MTUS2: variants seen among roughly 807,000 people sequenced by gnomAD.
The protein encoded by MTUS2 is microtubule-associated tumor suppressor candidate 2.
Under a neutral mutation model 114.1 loss-of-function variants are expected in MTUS2, and 40 were observed. That is an observed-to-expected ratio of 0.35 (90% CI 0.27 to 0.46). The LOEUF is 0.46. MTUS2 is among the 20% of genes least tolerant of loss of function. The pLI is 1.00. For synonymous variants in MTUS2, 688 were observed against 672.0 expected, an observed-to-expected ratio of 1.02 and a Z score of -0.37; for missense variants, 1,679 against 1,705.4, an observed-to-expected ratio of 0.98 and a Z score of 0.27.
chr13:28,856,663 CA>C (rs1876648616), intron 2 of MTUS2, among the ~76,000 whole-genome samples: 1 of 152,194 alleles, frequency 6.6e-6, no homozygotes, highest in Non-Finnish European at 1.5e-5. Flanking sequence ...ATCTCTCTGA[CA>C]GATTTGTTTA....
Position 29,359,482 on chromosome 13 carries a change from C to T in MTUS2, c.3117+9C>T. 1 of 1,603,930 alleles carries T rather than the reference C, an allele frequency of 6.2e-7. No individual in the cohort carries two copies. The highest frequency in any genetic ancestry group is 1.3e-5 in the African/African-American group (1 of 74,822). Reference sequence around the variant, plus strand: ...AGCATTTCTTTAGAAAGGTGAGGCCCCATTTCGTGAAGGTCCAAGGGCATT... The same window carrying T: ...AGCATTTCTTTAGAAAGGTGAGGCCTCATTTCGTGAAGGTCCAAGGGCATT... On this transcript the variant is annotated intron_variant, in intron 8 of 15. Coordinates refer to ENST00000612955, the MANE Select transcript of MTUS2 (RefSeq NM_001033602.4).
intron 5 of MTUS2, among the ~76,000 whole-genome samples, chr13:29,163,088 G>A (rs892802116): frequency 2.6e-5 from 4 of 152,154 alleles, no homozygotes. Context: ...ACAGGGTGGA[G>A]AATAGGGTGG....
intron 10 of MTUS2, chr13:29,487,696 C>T (rs1205045321): frequency 6.7e-6 from 4 of 593,092 alleles, no homozygotes; most frequent in Non-Finnish European, 9.1e-6. Flanking sequence ...GTTGGACCCC[C>T]CTACAAAGAG....
At chr13:29,205,475 C>T (rs986585174) in intron 5 of MTUS2, among the ~76,000 whole-genome samples, 5 of 151,864 alleles carry the variant, frequency 3.3e-5, no homozygotes, top group Non-Finnish European at 5.9e-5. Context: ...TAAGTTCTTT[C>T]GTTGTGATTT....
chr13:29,010,196 G>A (rs1885775638), intron 2 of MTUS2, among the ~76,000 whole-genome samples: 1 of 137,882 alleles, frequency 7.3e-6, no homozygotes, highest in Non-Finnish European at 1.5e-5. Context: ...GGGCGACAGA[G>A]CAAGACTCCG....
chr13:28,893,617 T>C (rs1879059923), intron 2 of MTUS2, among the ~76,000 whole-genome samples: 1 of 152,204 alleles, frequency 6.6e-6, no homozygotes, highest in Non-Finnish European at 1.5e-5. Context: ...TCTGAAACTT[T>C]CTGAAATATA....
At chr13:29,302,856 G>A (rs1241187426) in intron 6 of MTUS2, among the ~76,000 whole-genome samples, 1 of 152,204 alleles carries the variant, frequency 6.6e-6, no homozygotes, top group East Asian at 1.9e-4. Flanking sequence ...GACTGGGTGA[G>A]ACCTCCCAAC....
chr13:29,008,702 G>A (rs932823154), intron 2 of MTUS2, among the ~76,000 whole-genome samples: 9 of 152,196 alleles, frequency 5.9e-5, no homozygotes, highest in Admixed American at 3.9e-4. Flanking sequence ...TCAGAAATCC[G>A]TTGCCAGTGT....
intron 8 of MTUS2, among the ~76,000 whole-genome samples, chr13:29,389,634 C>CAAAT (rs370261118): frequency 9.5e-6 from 1 of 105,512 alleles, no homozygotes; most frequent in Non-Finnish European, 1.9e-5. Context: ...TATGTATACA[C>CAAAT]ATATGTGTAT....
chr13:28,921,313 A>G (rs558657597), intron 2 of MTUS2, among the ~76,000 whole-genome samples: 1 of 152,326 alleles, frequency 6.6e-6, no homozygotes, highest in African/African-American at 2.4e-5. Context: ...CTTTTGGCCT[A>G]TTCTGTCTCT....
chr13:29,459,727 A>G (rs933782948), intron 9 of MTUS2, among the ~76,000 whole-genome samples: 4 of 152,278 alleles, frequency 2.6e-5, no homozygotes, highest in South Asian at 2.1e-4. Context: ...TCAAACCACT[A>G]TGATAAAGAG....
At position 29,265,916 on chromosome 13, in the gene MTUS2, T is replaced by C. The variant is rs184241872; in HGVS notation, c.2645-15788T>C. On this transcript the variant is annotated intron_variant, in intron 5 of 15. Coordinates refer to ENST00000612955, the MANE Select transcript of MTUS2 (RefSeq NM_001033602.4). ...GGCACACATCAAAACCAAATCAGCA[T>C]CCTGTGTGTTTCTCTCTTTTTCACT... 1.2e-4 allele frequency among the ~76,000 whole-genome samples: 18 copies of C among 152,272 alleles called. No individual in the cohort carries two copies. In the East Asian group the frequency reaches 2.5e-3, roughly 21 times the overall value.
intron 6 of MTUS2, chr13:29,307,788 C>T (rs1392708140): frequency 1.0e-6 from 1 of 988,828 alleles, no homozygotes; most frequent in Non-Finnish European, 1.6e-6. Context: ...AGGAGTAAGA[C>T]CCCCAGACCA....
chr13:29,045,055 T>C (rs1237288575), intron 4 of MTUS2, among the ~76,000 whole-genome samples: 1 of 152,204 alleles, frequency 6.6e-6, no homozygotes, highest in African/African-American at 2.4e-5. Context: ...GACATGCTCC[T>C]CTATGACCAG....
intron 5 of MTUS2, among the ~76,000 whole-genome samples, chr13:29,101,594 A>C (rs1346724081): frequency 6.6e-6 from 1 of 152,194 alleles, no homozygotes; most frequent in Non-Finnish European, 1.5e-5. Flanking sequence ...GCTGTCCCTG[A>C]GGAAGATCTG....
chr13:29,101,886 G>A (rs1318331576), intron 5 of MTUS2, among the ~76,000 whole-genome samples: 1 of 152,180 alleles, frequency 6.6e-6, no homozygotes, highest in Non-Finnish European at 1.5e-5. Flanking sequence ...GTTCTTTCTT[G>A]TGTTTACAGA....
intron 2 of MTUS2, among the ~76,000 whole-genome samples, chr13:28,916,118 G>A (rs572905674): frequency 2.2e-4 from 34 of 151,786 alleles, no homozygotes; most frequent in Non-Finnish European, 4.4e-4. Flanking sequence ...AGGTGTTTGG[G>A]TTGTTTCTGG....
At chr13:29,215,474 GTTTTTTTT>G (rs71090232) in intron 5 of MTUS2, among the ~76,000 whole-genome samples, 268 of 130,092 alleles carry the variant, frequency 2.1e-3, no homozygotes, top group African/African-American at 6.3e-3. Flanking sequence ...TTTTTTTGCT[GTTTTTTTT>G]TTTTTTTTTT....
At chr13:29,459,534 C>G (rs1468764508) in intron 9 of MTUS2, among the ~76,000 whole-genome samples, 1 of 152,142 alleles carries the variant, frequency 6.6e-6, no homozygotes, top group South Asian at 2.1e-4. Flanking sequence ...ACTGGGGATA[C>G]ATTTGAAAAA....
Sources: gnomAD v4.1 joint callset for allele counts (sites outside exome capture counted in the v4.1 genomes callset) on GRCh38, gnomAD v4.1.1 for gene constraint, MANE v1.5 for transcripts, NCBI Gene and HGNC (gene_info 2026-07-23, HGNC 2026-07-21) for gene names.